The following JARID2 variants were observed in gnomAD, a reference collection of about 807,000 sequenced individuals.
JARID2 encodes jumonji and AT-rich interaction domain containing 2, also known as protein Jumonji.
JARID2 carries 21 observed loss-of-function variants against 125.6 expected under a neutral mutation model. That is an observed-to-expected ratio of 0.17 (90% CI 0.12 to 0.24). The LOEUF (loss-of-function observed/expected upper bound fraction) is 0.24. Ranked by LOEUF, JARID2 falls within the 10% of genes least tolerant of loss-of-function variation. JARID2 has a pLI of 1.00. For synonymous variants in JARID2, 736 were observed against 661.6 expected (o/e 1.11, Z -1.73); for missense variants, 1,303 against 1,639.6 (o/e 0.79, Z 3.55).
intron 1 of JARID2, among the ~76,000 whole-genome samples, chr6:15,373,200 A>G (rs933567484): frequency 3.9e-5 from 6 of 152,052 alleles, no homozygotes; most frequent in Admixed American, 2.0e-4. Context: ...ATCTCTTCCT[A>G]TTTACCTTGC....
chr6:15,377,934 G>A (rs1019702266), intron 2 of JARID2, among the ~76,000 whole-genome samples: 4 of 149,906 alleles, frequency 2.7e-5, no homozygotes, highest in Admixed American at 6.7e-5. Context: ...TTGCCTGGCT[G>A]GAGTACAGTG....
At chr6:15,432,151 G>T (rs779833968) in intron 3 of JARID2, among the ~76,000 whole-genome samples, 1 of 151,968 alleles carries the variant, frequency 6.6e-6, no homozygotes, top group South Asian at 2.1e-4. Flanking sequence ...TCTACAGGCC[G>T]GGTGTGGTGG....
chr6:15,445,494 A>T (rs1265534555), intron 3 of JARID2, among the ~76,000 whole-genome samples: 1 of 152,264 alleles, frequency 6.6e-6, no homozygotes, highest in African/African-American at 2.4e-5. Flanking sequence ...GGCTTAGCAG[A>T]AAAAGAAAGT....
intron 1 of JARID2, among the ~76,000 whole-genome samples, chr6:15,286,163 A>G (rs959981788): frequency 6.6e-6 from 1 of 152,186 alleles, no homozygotes; most frequent in Admixed American, 6.5e-5. Context: ...GTTAACAAGT[A>G]CAAACAACAG....
chr6:15,495,092 G>A (rs986956865), intron 6 of JARID2, among the ~76,000 whole-genome samples: 3 of 152,212 alleles, frequency 2.0e-5, no homozygotes, highest in Admixed American at 1.3e-4. Context: ...GGTGTTAAGT[G>A]ATGGGGCAGT....
intron 4 of JARID2, among the ~76,000 whole-genome samples, chr6:15,463,258 G>C (rs1415690326): frequency 1.3e-5 from 2 of 152,012 alleles, no homozygotes; most frequent in African/African-American, 2.4e-5. Context: ...AGCTTTTGTT[G>C]GTTACTTTTC....
intron 3 of JARID2, among the ~76,000 whole-genome samples, chr6:15,415,011 T>C (rs952925899): frequency 6.6e-6 from 1 of 152,198 alleles, no homozygotes; most frequent in Admixed American, 6.5e-5. Flanking sequence ...GGAGTGGTGA[T>C]GACTCTTAAC....
At chr6:15,503,198 C>G (rs563213166) in intron 8 of JARID2, among the ~76,000 whole-genome samples, 1 of 152,208 alleles carries the variant, frequency 6.6e-6, no homozygotes, top group Non-Finnish European at 1.5e-5. Context: ...TCTGTGGCAC[C>G]GGTGTCCTGG....
intron 5 of JARID2, among the ~76,000 whole-genome samples, chr6:15,486,374 G>A (rs545360571): frequency 2.0e-5 from 3 of 152,344 alleles, no homozygotes; most frequent in South Asian, 2.1e-4. Flanking sequence ...TCTGCCTCAT[G>A]GGTAGGAAGC....
At chr6:15,444,552 A>AGT (rs1767584544) in intron 3 of JARID2, among the ~76,000 whole-genome samples, 1 of 151,840 alleles carries the variant, frequency 6.6e-6, no homozygotes, top group Non-Finnish European at 1.5e-5. Flanking sequence ...CCAGGTTTGT[A>AGT]GTGTGTGTGT....
intron 1 of JARID2, among the ~76,000 whole-genome samples, chr6:15,273,064 T>C (rs1760360513): frequency 6.6e-6 from 1 of 152,152 alleles, no homozygotes; most frequent in Non-Finnish European, 1.5e-5. Context: ...AGAAAGCAGT[T>C]AGGGGATTCA....
chr6:15,247,933 G>C, intron 1 of JARID2: 1 of 985,480 alleles, frequency 1.0e-6, no homozygotes, highest in Non-Finnish European at 1.2e-6. Context: ...CCTTGTCTTG[G>C]AGCGTGGACG....
rs1393357769 is a variant in JARID2, at chr6:15,508,360, A to G, written c.2752A>G (p.Asn918Asp). 1 of 1,603,542 alleles carries G rather than the reference A, an allele frequency of 6.2e-7. No homozygotes were observed. Among genetic ancestry groups the G allele is most frequent in the Non-Finnish European group, 8.5e-7 (1 of 1,170,308 alleles). ...AVPGVTIPWL[N>D]IGMVFSTSCW... is the part of the protein sequence containing the mutation. ...TTTAGGAGTGACTATTCCCTGGCTA[A>G]ATATTGGCATGGTCTTTTCTACCTC... is the stretch of plus-strand genomic sequence containing the variant. Residue 918 changes from asparagine (N) to aspartate (D), a missense_variant, in exon 12 of 18, where the codon AAT becomes GAT. Asn to Asp is a conservative substitution (Grantham distance 23). Around this residue, in one of 11 missense-constraint regions of JARID2, gnomAD observed 27 missense variants for 108.7 expected, o/e 0.25. Coordinates refer to ENST00000341776, the MANE Select transcript of JARID2 (RefSeq NM_004973.4).
intron 1 of JARID2, among the ~76,000 whole-genome samples, chr6:15,367,501 C>G (rs901239537): frequency 1.3e-5 from 2 of 152,076 alleles, no homozygotes; most frequent in African/African-American, 4.8e-5. Context: ...TTGCTTTTAC[C>G]TAGGAGTCAG....
intron 3 of JARID2, among the ~76,000 whole-genome samples, chr6:15,436,282 A>G (rs1767197408): frequency 1.3e-5 from 2 of 152,088 alleles, no homozygotes; most frequent in Admixed American, 1.3e-4. Context: ...GCATAGAAGT[A>G]CCTCTCAGCA....
intron 2 of JARID2, among the ~76,000 whole-genome samples, chr6:15,396,993 C>T (rs963192685): frequency 6.6e-6 from 1 of 152,162 alleles, no homozygotes; most frequent in Admixed American, 6.5e-5. Flanking sequence ...TCGGGCCAGC[C>T]ACATGCATTA....
At chr6:15,422,394 G>A (rs60416461) in intron 3 of JARID2, among the ~76,000 whole-genome samples, 7,147 of 152,174 alleles carry the variant, frequency 0.047, 477 homozygotes, top group African/African-American at 0.15. Flanking sequence ...CACGCACTGT[G>A]CCTTCACCTT....
chr6:15,428,699 A>T (rs1202639642), intron 3 of JARID2, among the ~76,000 whole-genome samples: 1 of 152,148 alleles, frequency 6.6e-6, no homozygotes, highest in Non-Finnish European at 1.5e-5. Context: ...TGAGGTCAAG[A>T]GTTCGAGACC....
chr6:15,293,737 T>C (rs1346402212), intron 1 of JARID2, among the ~76,000 whole-genome samples: 1 of 152,212 alleles, frequency 6.6e-6, no homozygotes, highest in Non-Finnish European at 1.5e-5. Flanking sequence ...GATTTCTCAC[T>C]TTCTGTGGGA....
Sources: allele counts gnomAD v4.1 joint callset (sites outside exome capture counted in the v4.1 genomes callset), GRCh38; gene constraint gnomAD v4.1.1; regional missense constraint gnomAD v4.1.1; transcripts MANE v1.5; gene names NCBI Gene and HGNC (gene_info 2026-07-23, HGNC 2026-07-21).